Variants in ZNF717 observed in about 807,000 individuals in gnomAD.
ZNF717 encodes zinc finger protein 717.
Under a neutral mutation model 13.8 loss-of-function variants are expected in ZNF717, and 9 were observed. The observed-to-expected ratio is 0.65, with a 90% CI of 0.39 to 1.14. The LOEUF (loss-of-function observed/expected upper bound fraction) is 1.14. ZNF717 is among the 50% of genes most tolerant of loss of function. The pLI, the probability that ZNF717 is intolerant of heterozygous loss-of-function variation, is 0.01. For missense variants in ZNF717, 1,040 were observed against 1,080.7 expected (o/e 0.96, Z 0.53); for synonymous variants, 327 against 364.1 (o/e 0.90, Z 1.16).
chr3:75,714,181 C>T (rs1203334135), intron 5 of ZNF717, among the ~76,000 whole-genome samples: 1 of 151,890 alleles, frequency 6.6e-6, no homozygotes, highest in Non-Finnish European at 1.5e-5. Context: ...ATCAGTCAGG[C>T]CCTCCACAAG....
downstream of ZNF717, among the ~76,000 whole-genome samples, chr3:75,725,097 C>A (rs75579924): frequency 0.025 from 1,143 of 44,870 alleles, no homozygotes; most frequent in African/African-American, 0.052. Flanking sequence ...TCCCTCTCAT[C>A]TGAAATATTT....
chr3:75,739,063 C>T lies in ZNF717; in HGVS notation c.560G>A (p.Arg187Lys). 1 of 1,551,620 alleles carries T rather than the reference C, an allele frequency of 6.4e-7. No homozygotes were observed. Among genetic ancestry groups the T allele is most frequent in the Non-Finnish European group, 8.7e-7 (1 of 1,146,952 alleles). ...GEKPHVCDIT[R>K]RSHRHHEHLT... ...ATGTTCATGATGTCTGTGGGATCTC[C>T]TGGTTATATCACAGACATGAGGTTT... The change falls in exon 5 of 5, where the codon AGG becomes AAG. Residue 187 changes from arginine to lysine, a missense_variant. Physicochemically the swap from Arg to Lys is conservative, Grantham distance 26. Coordinates refer to ENST00000652011, the MANE Select transcript of ZNF717 (RefSeq NM_001290208.3).
At chr3:75,704,784 C>A (rs553173876), downstream of ZNF717, among the ~76,000 whole-genome samples, 1 of 152,382 alleles carries the variant, frequency 6.6e-6, no homozygotes, top group Admixed American at 6.5e-5. Context: ...AACAGTTTAG[C>A]TTTTACTTTC....
intron 2 of ZNF717, among the ~76,000 whole-genome samples, chr3:75,748,785 C>G (rs114084574): frequency 1.3e-5 from 2 of 152,146 alleles, no homozygotes; most frequent in Non-Finnish European, 2.9e-5. Flanking sequence ...TGGGCACAAA[C>G]AGGGATGCCC....
chr3:75,780,872 G>GT (rs1348299097), intron 2 of ZNF717, among the ~76,000 whole-genome samples: 1 of 152,270 alleles, frequency 6.6e-6, no homozygotes, highest in East Asian at 1.9e-4. Flanking sequence ...ACCAGGTTTT[G>GT]TTTTTCTCCT....
At chr3:75,729,615 C>CAAAAAAAAA (rs369485280), downstream of ZNF717, among the ~76,000 whole-genome samples, 2 of 115,548 alleles carry the variant, frequency 1.7e-5, no homozygotes, top group Non-Finnish European at 1.7e-5. Context: ...AACTCCATAT[C>CAAAAAAAAA]AAAAAAAAAA....
At chr3:75,721,084 G>A (rs1938158052) in intron 4 of ZNF717, among the ~76,000 whole-genome samples, 1 of 151,918 alleles carries the variant, frequency 6.6e-6, no homozygotes, top group Admixed American at 6.6e-5. Context: ...ATAAAAACAT[G>A]AAAATAAATT....
At position 75,737,659 on chromosome 3, in the gene ZNF717, G is replaced by A. The variant is rs764677392; in HGVS notation, c.1964C>T (p.Thr655Ile). Residue 655 changes from threonine to isoleucine, a missense_variant, in exon 5 of 5, where the codon ACC (threonine) becomes ATC (isoleucine). This residue lies in a region of ZNF717 where 873 missense variants were observed against 832.8 expected (regional missense o/e 1.05). Coordinates refer to ENST00000652011, the MANE Select transcript of ZNF717 (RefSeq NM_001290208.3). ...KPYVCNECGK[T>I]FHRKSFLTIH... ...GGTGAGGAATGACTTGCGATGAAAG[G>A]TTTTTCCACATTCATTACATACGTA... 6.5e-6 allele frequency: 10 copies of A among 1,537,204 alleles called. No individual in the cohort carries two copies. Among genetic ancestry groups the A allele is most frequent in the African/African-American group, 1.4e-5 (1 of 69,218 alleles).
intron 5 of ZNF717, among the ~76,000 whole-genome samples, chr3:75,715,191 AATGAGTTT>A (rs1003196864): frequency 3.9e-4 from 60 of 152,244 alleles, no homozygotes; most frequent in Non-Finnish European, 6.8e-4. Flanking sequence ...TTAAGTTTCA[AATGAGTTT>A]AGGGTTATAT....
chr3:75,714,390 G>A (rs1178847711), intron 5 of ZNF717, among the ~76,000 whole-genome samples: 1 of 151,912 alleles, frequency 6.6e-6, no homozygotes, highest in African/African-American at 2.4e-5. Context: ...TTCTCACTAT[G>A]TCCCCTCAGC....
chr3:75,730,752 G>T (rs1198865416), intron 5 of ZNF717: 1 of 595,520 alleles, frequency 1.7e-6, no homozygotes, highest in African/African-American at 1.9e-5. Context: ...TTTACAAACA[G>T]AAATAGACTG....
At chr3:75,710,238 A>G (rs80179311) in exon 6 of ZNF717, 1 of 152,282 alleles carries the variant, frequency 6.6e-6, no homozygotes. Flanking sequence ...CCATTAACCT[A>G]GGCTTACAGA....
chr3:75,694,959 T>A (rs1327735435), intron 6 of ZNF717, among the ~76,000 whole-genome samples: 1 of 151,790 alleles, frequency 6.6e-6, no homozygotes, highest in Non-Finnish European at 1.5e-5. Flanking sequence ...AGAAAACAAA[T>A]AACAAAATGG....
In ZNF717 at chr3:75,770,637, A is replaced by G. The variant is rs183935172; in HGVS notation, c.57+12669T>C. Reference sequence around the variant, plus strand: ...CTTGACACCAGATGAGCCTGAATCTAAGCAAGAAAAGCCCAGAAGAAATCC... The same window carrying G: ...CTTGACACCAGATGAGCCTGAATCTGAGCAAGAAAAGCCCAGAAGAAATCC... On this transcript the variant is annotated intron_variant, in intron 2 of 4. Coordinates refer to ENST00000652011, the MANE Select transcript of ZNF717 (RefSeq NM_001290208.3). Among the ~76,000 whole-genome samples the G allele has an allele frequency of 2.6e-5, 4 of 152,342 alleles. No individual in the cohort carries two copies. In the East Asian group the frequency reaches 7.7e-4, roughly 29 times the overall value.
intron 2 of ZNF717, among the ~76,000 whole-genome samples, chr3:75,744,188 A>C (rs1940849330): frequency 6.6e-6 from 1 of 152,270 alleles, no homozygotes; most frequent in Admixed American, 6.5e-5. Context: ...TACTAATATA[A>C]TTCATCATGA....
At chr3:75,713,492 T>C (rs75060937) in intron 5 of ZNF717, among the ~76,000 whole-genome samples, 3,633 of 152,196 alleles carry the variant, frequency 0.024, 148 homozygotes, top group African/African-American at 0.081. Context: ...CCTTAAATTA[T>C]AGTGAAAACT....
Position 75,738,526 on chromosome 3 carries a change from G to A in ZNF717, c.1097C>T (p.Pro366Leu), listed in dbSNP as rs749559449. The A allele has an allele frequency of 2.6e-6, 4 of 1,541,600 alleles. No homozygotes were observed. Among genetic ancestry groups the A allele is most frequent in the African/African-American group, 1.4e-5 (1 of 72,788 alleles). The change falls in exon 5 of 5, where the codon CCC (proline) becomes CTC (leucine). Residue 366 changes from proline to leucine, a missense_variant. Transcript: ENST00000652011. ...TTTTCCACATTCAATACATTTGTAG[G>A]GTTTATCCCCTGTGTGAGTTCTCTC... is the stretch of plus-strand genomic sequence containing the variant. ...LHERTHTGDK[P>L]YKCIECGKTF...
chr3:75,703,584 A>T (rs2106817706), intron 6 of ZNF717, among the ~76,000 whole-genome samples: 1 of 152,314 alleles, frequency 6.6e-6, no homozygotes, highest in East Asian at 1.9e-4. Flanking sequence ...TTGTGTTTCA[A>T]ACAAAATTTC....
chr3:75,766,391 T>C (rs1195702205), intron 2 of ZNF717, among the ~76,000 whole-genome samples: 4 of 152,060 alleles, frequency 2.6e-5, no homozygotes, highest in Non-Finnish European at 5.9e-5. Context: ...ATGTTAACAC[T>C]AGATGAAAGA....
Sources: allele counts gnomAD v4.1 joint callset (sites outside exome capture counted in the v4.1 genomes callset), GRCh38; gene constraint gnomAD v4.1.1; regional missense constraint gnomAD v4.1.1; transcripts MANE v1.5; gene names NCBI Gene and HGNC (gene_info 2026-07-23, HGNC 2026-07-21).